The following SHE variants were observed in gnomAD, a reference collection of about 807,000 sequenced individuals.
SHE encodes the protein SH2 domain-containing adapter protein E.
SHE carries 11 observed loss-of-function variants against 49.8 expected under a neutral mutation model. The ratio of observed to expected loss-of-function variants is 0.22; its 90% CI spans 0.14 to 0.37. SHE has a LOEUF of 0.37. Ranked by LOEUF, SHE falls within the 10% of genes least tolerant of loss-of-function variation. The probability of loss-of-function intolerance (pLI) is 1.00; values close to 1 mark genes in which losing one functional copy is unlikely to be tolerated. For missense variants in SHE, 624 were observed against 655.5 expected (o/e 0.95, Z 0.52); for synonymous variants, 310 against 278.1 (o/e 1.11, Z -1.14).
At chr1:154,497,996 A>G (rs1388031811) in intron 2 of SHE, among the ~76,000 whole-genome samples, 3 of 151,808 alleles carry the variant, frequency 2.0e-5, no homozygotes, top group Non-Finnish European at 4.4e-5. Flanking sequence ...AGTAATTTAT[A>G]ATTACTGCTT....
chr1:154,492,732 C>T (rs1338417272), intron 2 of SHE, among the ~76,000 whole-genome samples: 2 of 152,190 alleles, frequency 1.3e-5, no homozygotes, highest in Non-Finnish European at 2.9e-5. Context: ...AAGCAGAAAA[C>T]ACAAAGGAGT....
Position 154,486,623 on chromosome 1 carries a change from C to A in SHE, c.1085G>T (p.Arg362Leu), listed in dbSNP as rs754666777. The change falls in exon 4 of 6, where the codon CGG becomes CTG. Residue 362 changes from arginine to leucine, a missense_variant. Physicochemically the swap from Arg to Leu is moderately radical, Grantham distance 102. This residue lies in a region of SHE where 125 missense variants were observed against 181.7 expected (regional missense o/e 0.69). Coordinates refer to ENST00000304760, the MANE Select transcript of SHE (RefSeq NM_001010846.3). ...FREETVRQHH[R>L]QKSWTQKILK... ...GATCTTCTGGGTCCAGCTCTTCTGC[C>A]GGTGGTGCTGCCTCACTGTCTCCTC... is the stretch of plus-strand genomic sequence containing the variant. 1 of 1,614,162 alleles carries A rather than the reference C, an allele frequency of 6.2e-7. No homozygotes were observed. The highest frequency in any genetic ancestry group is 8.5e-7 in the Non-Finnish European group (1 of 1,180,026).
intron 2 of SHE, among the ~76,000 whole-genome samples, chr1:154,494,978 G>A (rs1290045233): frequency 6.6e-6 from 1 of 152,198 alleles, no homozygotes; most frequent in African/African-American, 2.4e-5. Flanking sequence ...CTTGAACCTG[G>A]GAGGTAGAGA....
intron 2 of SHE, among the ~76,000 whole-genome samples, chr1:154,489,911 T>C (rs1226997755): frequency 6.6e-6 from 1 of 152,220 alleles, no homozygotes; most frequent in African/African-American, 2.4e-5. Context: ...GCCCATTTTG[T>C]AATAAAGTTT....
chr1:154,485,918 G>A (rs746496314), intron 5 of SHE, 25 bp downstream of exon 5: 13 of 1,605,314 alleles, frequency 8.1e-6, no homozygotes, highest in Admixed American at 6.7e-5. Context: ...CCTTGGAGAT[G>A]AGGAAAGCCA....
chr1:154,498,724 C>T (rs960593574), intron 2 of SHE, among the ~76,000 whole-genome samples: 2 of 152,106 alleles, frequency 1.3e-5, no homozygotes, highest in Non-Finnish European at 2.9e-5. Flanking sequence ...AGATTAAAAT[C>T]CCTTAAGTAT....
At position 154,480,226 on chromosome 1, in the gene SHE, C is replaced by G. The variant is rs1181978562; in HGVS notation, c.*3923G>C. The G allele has an allele frequency of 1.0e-6, 1 of 985,432 alleles. No homozygotes were observed. The highest frequency in any genetic ancestry group is 1.7e-5 in the African/African-American group (1 of 57,344). The allele number at this position is 985,432 out of a possible 1,614,324, so 61.0% of individuals were successfully genotyped here. A position where few individuals can be genotyped will look rare whatever the true frequency, so the allele number is the denominator to read the frequency against. ...AGGAGACAACTAGTGAACGAGAGAT[C>G]TGTGAAGGGTTTCAGTGCAATCCTG... On this transcript the variant is annotated 3_prime_UTR_variant, in exon 6 of 6. Transcript: ENST00000304760.
In SHE at chr1:154,482,494, A is replaced by G. The variant is rs1471883386; in HGVS notation, c.*1655T>C. 2 of 985,320 alleles carry G rather than the reference A, an allele frequency of 2.0e-6. No homozygotes were observed. Among genetic ancestry groups the G allele is most frequent in the East Asian group, 2.3e-4 (2 of 8,838 alleles). The allele number at this position is 985,320 out of a possible 1,614,324, so 61.0% of individuals were successfully genotyped here. ...GTAACTACAAAGGTATACTTTCCTA[A>G]AAAATTAACCAAATCAACATTTTGT... is the stretch of plus-strand genomic sequence containing the variant. On this transcript the variant is annotated 3_prime_UTR_variant, in exon 6 of 6. Transcript: ENST00000304760.
intron 1 of SHE, among the ~76,000 whole-genome samples, chr1:154,473,472 G>A (rs1370705572): frequency 6.6e-6 from 1 of 151,526 alleles, no homozygotes; most frequent in Non-Finnish European, 1.5e-5. Flanking sequence ...GAGACGCTGT[G>A]TGTTGGGGGG....
At chr1:154,488,823 G>C (rs1256221082) in intron 3 of SHE, among the ~76,000 whole-genome samples, 1 of 152,204 alleles carries the variant, frequency 6.6e-6, no homozygotes, top group Non-Finnish European at 1.5e-5. Context: ...CTGGGGTCAA[G>C]TGATCCGCCT....
rs1203543119 is a variant in SHE at position 154,502,142 on chromosome 1, C to T, written c.-116G>A. The stretch of plus-strand genomic sequence containing the variant: ...GTGGGGTTCTCACGGCTCGGGGCGC[C>T]GAGCGGGCGGGCGCTAGCCTCTGCT... On this transcript the variant is annotated 5_prime_UTR_variant, in exon 1 of 6. Coordinates refer to ENST00000304760, the MANE Select transcript of SHE (RefSeq NM_001010846.3). 141 of 855,850 alleles carry T rather than the reference C, an allele frequency of 1.6e-4. No homozygotes were observed. Among genetic ancestry groups the T allele is most frequent in the Non-Finnish European group, 2.1e-4 (137 of 661,342 alleles). 53.0% of individuals were successfully genotyped at this position (855,850 alleles called of 1,614,324 possible). A position where few individuals can be genotyped will look rare whatever the true frequency, so the allele number is the denominator to read the frequency against.
rs778351323 is a variant in SHE, at chr1:154,486,645, C to T, written c.1063G>A (p.Glu355Lys). 6.2e-7 allele frequency: 1 copy of T among 1,614,120 alleles called. No individual in the cohort carries two copies. Among genetic ancestry groups the T allele is most frequent in the East Asian group, 2.2e-5 (1 of 44,880 alleles). The stretch of plus-strand genomic sequence containing the variant: ...TGCCGGTGGTGCTGCCTCACTGTCT[C>T]CTCCCTGAAGGAAGGTCGCTCAGCT... ...EGAERPSFRE[E>K]TVRQHHRQKS... Residue 355 changes from glutamate (E) to lysine (K), a missense_variant, in exon 4 of 6, where the codon GAG (glutamate) becomes AAG (lysine). By Grantham distance (56) the Glu-to-Lys change is moderately conservative. This residue lies in a region of SHE where 125 missense variants were observed against 181.7 expected (regional missense o/e 0.69). Coordinates refer to ENST00000304760, the MANE Select transcript of SHE (RefSeq NM_001010846.3).
At chr1:154,473,842 T>C (rs1329181592) in intron 1 of SHE, among the ~76,000 whole-genome samples, 1 of 152,142 alleles carries the variant, frequency 6.6e-6, no homozygotes, top group Admixed American at 6.5e-5. Context: ...GGCTACCATT[T>C]ACTGCCTCTC....
At chr1:154,498,192 A>G (rs1230261414) in intron 2 of SHE, among the ~76,000 whole-genome samples, 2 of 146,296 alleles carry the variant, frequency 1.4e-5, no homozygotes, top group East Asian at 2.4e-4. Context: ...TCCCAGGTTC[A>G]AGCAATTCTC....
Position 154,480,288 on chromosome 1 carries a change from C to G in SHE, c.*3861G>C, listed in dbSNP as rs1268336483. The G allele has an allele frequency of 9.1e-6, 9 of 985,218 alleles. No homozygotes were observed. The highest frequency in any genetic ancestry group is 3.5e-5 in the African/African-American group (2 of 57,184). The allele number at this position is 985,218 out of a possible 1,614,324, so 61.0% of individuals were successfully genotyped here. A position where few individuals can be genotyped will look rare whatever the true frequency, so the allele number is the denominator to read the frequency against. ...GGGGTGCGGGGAAGGGAAATGAAATCGACATCACTGCACTCCCTAAACCCT... is the reference window on the plus strand; with the variant it reads ...GGGGTGCGGGGAAGGGAAATGAAATGGACATCACTGCACTCCCTAAACCCT... On this transcript the variant is annotated 3_prime_UTR_variant, in exon 6 of 6. Coordinates refer to ENST00000304760, the MANE Select transcript of SHE (RefSeq NM_001010846.3).
At chr1:154,470,976 C>T (rs1691727659) in intron 1 of SHE, among the ~76,000 whole-genome samples, 1 of 151,522 alleles carries the variant, frequency 6.6e-6, no homozygotes, top group Non-Finnish European at 1.5e-5. Context: ...CACCACTGCA[C>T]TCCAGCCTGG....
In SHE at chr1:154,501,694, C is replaced by G. The variant is rs1206664700; in HGVS notation, c.333G>C (p.Leu111=). ...SRLSRDSLQG[L]IQAAAGKGRK... is the part of the protein sequence containing the mutation. ...GGCCCTTGCCCGCGGCGGCCTGAAT[C>G]AGACCCTGCAGGCTGTCGCGGGACA... is the stretch of plus-strand genomic sequence containing the variant. Residue 111 remains leucine, a synonymous_variant, in exon 1 of 6, where the codon CTG becomes CTC. Coordinates refer to ENST00000304760, the MANE Select transcript of SHE (RefSeq NM_001010846.3). 1.2e-6 allele frequency: 2 copies of G among 1,612,054 alleles called. No homozygotes were observed. Among genetic ancestry groups the G allele is most frequent in the East Asian group, 2.2e-5 (1 of 44,806 alleles).
Position 154,479,755 on chromosome 1 carries a change from G to A in SHE, c.*4394C>T, listed in dbSNP as rs1691970870. ...GACAAAATGAGACGCCTGTTTCAAT[G>A]ATTCTGTTGCCAGCATATTAATTAA... On this transcript the variant is annotated 3_prime_UTR_variant, in exon 6 of 6. Transcript: ENST00000304760. The A allele has an allele frequency of 1.0e-6, 1 of 985,366 alleles. No individual in the cohort carries two copies. Among genetic ancestry groups the A allele is most frequent in the African/African-American group, 1.7e-5 (1 of 57,334 alleles). 61.0% of individuals were successfully genotyped at this position (985,366 alleles called of 1,614,324 possible). A position where few individuals can be genotyped will look rare whatever the true frequency, so the allele number is the denominator to read the frequency against.
Position 154,481,865 on chromosome 1 carries a change from G to T in SHE, c.*2284C>A. ...CTTTTGGTTTTTTGTTTGCTTGCTT[G>T]TTGAGACAGGGTCTCACTCTGTCAC... On this transcript the variant is annotated 3_prime_UTR_variant, in exon 6 of 6. Transcript: ENST00000304760. 1 of 899,680 alleles carries T rather than the reference G, an allele frequency of 1.1e-6. No individual in the cohort carries two copies. The highest frequency in any genetic ancestry group is 1.3e-6 in the Non-Finnish European group (1 of 751,914). 55.7% of individuals were successfully genotyped at this position (899,680 alleles called of 1,614,324 possible). A position where few individuals can be genotyped will look rare whatever the true frequency, so the allele number is the denominator to read the frequency against.
Sources: allele counts gnomAD v4.1 joint callset (sites outside exome capture counted in the v4.1 genomes callset), GRCh38; gene constraint gnomAD v4.1.1; regional missense constraint gnomAD v4.1.1; transcripts MANE v1.5; gene names NCBI Gene and HGNC (gene_info 2026-07-23, HGNC 2026-07-21).